Variants in TENM3 observed in about 807,000 individuals in gnomAD.
The protein encoded by TENM3 is teneurin-3.
A neutral mutation model predicts 255.1 loss-of-function variants in TENM3; 63 were observed. The observed-to-expected ratio is 0.25, with a 90% CI of 0.20 to 0.30. The LOEUF is 0.30. TENM3 is among the 10% of genes least tolerant of loss of function. The pLI, the probability that TENM3 is intolerant of heterozygous loss-of-function variation, is 1.00. For synonymous variants in TENM3, 1,306 were observed against 1,322.3 expected (o/e 0.99, Z 0.27); for missense variants, 2,929 against 3,461.1 (o/e 0.85, Z 3.86).
At chr4:182,065,627 T>TA in the TENM3 span, among the ~76,000 whole-genome samples, 163 of 152,230 alleles carry the variant, frequency 1.1e-3, no homozygotes, top group African/African-American at 3.8e-3. Flanking sequence ...CCTCTAACAT[T>TA]AAGGATTACA....
In TENM3 at chr4:182,743,233, G is replaced by A. The variant is rs756322235; in HGVS notation, c.3443G>A (p.Ser1148Asn). The A allele has an allele frequency of 1.9e-6, 3 of 1,613,908 alleles. No individual in the cohort carries two copies. The highest frequency in any genetic ancestry group is 2.2e-5 in the East Asian group (1 of 44,900). ...FISQQPPVVS[S>N]IMGNGRRRSI... is the part of the protein sequence containing the mutation. ...TCCCAGCAGCCTCCAGTCGTGAGTA[G>A]CATCATGGGCAATGGGCGAAGGCGC... Residue 1148 changes from serine (S) to asparagine (N), a missense_variant, in exon 19 of 28, where the codon AGC (serine) becomes AAC (asparagine). Transcript: ENST00000511685.
chr4:182,393,248 C>G (rs1390745013), intron 3 of TENM3, among the ~76,000 whole-genome samples: 1 of 152,124 alleles, frequency 6.6e-6, no homozygotes, highest in Non-Finnish European at 1.5e-5. Flanking sequence ...TCAATATGGC[C>G]TGTCATCTAA....
At chr4:181,548,030 A>G in the TENM3 span, among the ~76,000 whole-genome samples, 9 of 151,858 alleles carry the variant, frequency 5.9e-5, no homozygotes, top group African/African-American at 1.9e-4. Context: ...TCATTGTTCA[A>G]TTCCCACCTA....
chr4:182,066,545 A>T, the TENM3 span, among the ~76,000 whole-genome samples: 1 of 150,722 alleles, frequency 6.6e-6, no homozygotes, highest in African/African-American at 2.4e-5. Flanking sequence ...GGCTCTTTTA[A>T]ATTTTATTTA....
chr4:182,100,414 T>A, the TENM3 span, among the ~76,000 whole-genome samples: 1 of 133,596 alleles, frequency 7.5e-6, no homozygotes, highest in Non-Finnish European at 1.6e-5. Flanking sequence ...CCAGCCTCGG[T>A]AACATGGCAA....
chr4:182,029,728 A>G, the TENM3 span, among the ~76,000 whole-genome samples: 1 of 152,304 alleles, frequency 6.6e-6, no homozygotes, highest in African/African-American at 2.4e-5. Context: ...GAAACATTGT[A>G]AAAGTATTTG....
At chr4:181,992,580 T>C in the TENM3 span, among the ~76,000 whole-genome samples, 4 of 152,174 alleles carry the variant, frequency 2.6e-5, no homozygotes, top group Non-Finnish European at 4.4e-5. Flanking sequence ...TCTTTACATT[T>C]TACATGTTAT....
the TENM3 span, among the ~76,000 whole-genome samples, chr4:181,500,419 C>A: frequency 0.041 from 6,258 of 151,738 alleles, 172 homozygotes; most frequent in Non-Finnish European, 0.06. Context: ...ACACAGGGAA[C>A]AAACAAAAAA....
chr4:182,721,534 CTG>C (rs148044323), intron 13 of TENM3, among the ~76,000 whole-genome samples: 7 of 150,292 alleles, frequency 4.7e-5, no homozygotes, highest in Admixed American at 6.6e-5. Context: ...TGTAGCGAAT[CTG>C]TGTGTGTGTG....
At chr4:181,610,677 G>T in the TENM3 span, among the ~76,000 whole-genome samples, 1 of 151,964 alleles carries the variant, frequency 6.6e-6, no homozygotes, top group Non-Finnish European at 1.5e-5. Flanking sequence ...TCAGAGAAGG[G>T]GGAAGCAGGA....
chr4:181,676,805 A>G, the TENM3 span, among the ~76,000 whole-genome samples: 1 of 152,072 alleles, frequency 6.6e-6, no homozygotes, highest in South Asian at 2.1e-4. Context: ...TGTGAGCCCA[A>G]AATGATTCAC....
chr4:182,291,118 G>A (rs1027993626), intron 1 of TENM3, among the ~76,000 whole-genome samples: 1 of 152,120 alleles, frequency 6.6e-6, no homozygotes, highest in Admixed American at 6.6e-5. Context: ...ACCATGCCTG[G>A]CCAAAGAGGA....
At chr4:181,847,393 T>A in the TENM3 span, among the ~76,000 whole-genome samples, 1 of 152,192 alleles carries the variant, frequency 6.6e-6, no homozygotes, top group Non-Finnish European at 1.5e-5. Flanking sequence ...CTATTAAATT[T>A]GAGGAGGTAT....
At chr4:182,787,735 CAAAA>C (rs33998093) in intron 24 of TENM3, among the ~76,000 whole-genome samples, 16 of 41,576 alleles carry the variant, frequency 3.8e-4, no homozygotes, top group Admixed American at 1.1e-3. Context: ...AACTCCACCT[CAAAA>C]AAAAAAAAAA....
intron 5 of TENM3, among the ~76,000 whole-genome samples, chr4:182,639,385 A>G (rs1219057148): frequency 6.6e-6 from 1 of 152,228 alleles, no homozygotes; most frequent in East Asian, 1.9e-4. Context: ...GGGAAAATTG[A>G]ATAATGTGCC....
chr4:182,048,790 CT>C, the TENM3 span, among the ~76,000 whole-genome samples: 1 of 152,252 alleles, frequency 6.6e-6, no homozygotes, highest in East Asian at 1.9e-4. Context: ...GCAGATGATG[CT>C]TTTGAAAACA....
chr4:181,933,007 C>A, the TENM3 span, among the ~76,000 whole-genome samples: 1 of 151,958 alleles, frequency 6.6e-6, no homozygotes, highest in African/African-American at 2.4e-5. Flanking sequence ...CACACTGGGG[C>A]CTCCCAGGGG....
intron 3 of TENM3, among the ~76,000 whole-genome samples, chr4:182,526,892 A>G (rs1028847698): frequency 6.6e-6 from 1 of 152,170 alleles, no homozygotes; most frequent in Non-Finnish European, 1.5e-5. Context: ...TGTATTCACT[A>G]CTATATGTAA....
chr4:181,776,615 T>C, the TENM3 span, among the ~76,000 whole-genome samples: 1 of 152,158 alleles, frequency 6.6e-6, no homozygotes, highest in Non-Finnish European at 1.5e-5. Context: ...ATAGATATTC[T>C]TACTGCATTA....
Sources: gnomAD v4.1 joint callset for allele counts (sites outside exome capture counted in the v4.1 genomes callset) on GRCh38, gnomAD v4.1.1 for gene constraint, MANE v1.5 for transcripts, NCBI Gene and HGNC (gene_info 2026-07-23, HGNC 2026-07-21) for gene names.